RAD51: variants seen among roughly 807,000 people sequenced by gnomAD.
RAD51 encodes the protein RAD51 recombinase.
A neutral mutation model predicts 41.5 loss-of-function variants in RAD51; 14 were observed. That is an observed-to-expected ratio of 0.34 (90% CI 0.22 to 0.53). The LOEUF (loss-of-function observed/expected upper bound fraction) is 0.53, where lower values mean the gene tolerates loss of function less well. RAD51 is among the 20% of genes least tolerant of loss of function. The pLI, the probability that RAD51 is intolerant of heterozygous loss-of-function variation, is 0.95. For synonymous variants in RAD51, 136 were observed against 148.6 expected, an observed-to-expected ratio of 0.92 and a Z score of 0.62; for missense variants, 234 against 422.0, an observed-to-expected ratio of 0.55 and a Z score of 3.90.
At chr15:40,709,203 A>G in intron 5 of RAD51, 87 bp downstream of exon 5, 1 of 1,174,356 alleles carries the variant, frequency 8.5e-7, no homozygotes. Flanking sequence ...TGGCCATAAA[A>G]GGTACTTTCT....
intron 5 of RAD51, 114 bp downstream of exon 5, chr15:40,709,230 T>TA: frequency 1.1e-6 from 1 of 880,248 alleles, no homozygotes; most frequent in Non-Finnish European, 1.9e-6. Flanking sequence ...TCAAGAATCT[T>TA]ATAGCTGTTA....
chr15:40,725,461 A>G (rs1896533822), intron 6 of RAD51, among the ~76,000 whole-genome samples: 1 of 152,254 alleles, frequency 6.6e-6, no homozygotes, highest in Non-Finnish European at 1.5e-5. Flanking sequence ...TAATAAAAAT[A>G]GCCCTCTTTC....
chr15:40,705,194 C>T (rs996602117), intron 3 of RAD51, among the ~76,000 whole-genome samples: 1 of 152,196 alleles, frequency 6.6e-6, no homozygotes, highest in African/African-American at 2.4e-5. Flanking sequence ...GGTATATCTT[C>T]GTTTTCATTC....
intron 6 of RAD51, among the ~76,000 whole-genome samples, chr15:40,726,774 G>A (rs186872972): frequency 1.1e-4 from 17 of 151,856 alleles, no homozygotes; most frequent in African/African-American, 2.7e-4. Context: ...TTAGCCAGGC[G>A]TGGTAGCGGG....
Position 40,729,842 on chromosome 15 carries a change from T to C in RAD51, c.775-11T>C. 2 of 1,614,196 alleles carry C rather than the reference T, an allele frequency of 1.2e-6. No individual in the cohort carries two copies. The highest frequency in any genetic ancestry group is 1.7e-6 in the Non-Finnish European group (2 of 1,180,038). On this transcript the variant is annotated splice_polypyrimidine_tract_variant and intron_variant, in intron 8 of 9. Coordinates refer to ENST00000267868, the MANE Select transcript of RAD51 (RefSeq NM_002875.5). The stretch of plus-strand genomic sequence containing the variant: ...TGGCCACAAAATTGACATTTATCCT[T>C]TCCCCATCAGTTTGGTGTAGCAGTG...
intron 3 of RAD51, among the ~76,000 whole-genome samples, chr15:40,702,628 G>A (rs558700168): frequency 1.5e-4 from 22 of 151,658 alleles, no homozygotes; most frequent in African/African-American, 2.7e-4. Context: ...AGTGATTGTC[G>A]TGCCTCAGCC....
intron 6 of RAD51, among the ~76,000 whole-genome samples, chr15:40,720,762 A>G (rs1030127150): frequency 6.6e-6 from 1 of 152,242 alleles, no homozygotes; most frequent in African/African-American, 2.4e-5. Context: ...AATACTTAGG[A>G]ATAAATTTAA....
At chr15:40,716,522 C>T (rs535195544) in intron 5 of RAD51, among the ~76,000 whole-genome samples, 10 of 152,034 alleles carry the variant, frequency 6.6e-5, no homozygotes, top group Non-Finnish European at 1.2e-4. Context: ...TGCACCACCA[C>T]GCCCCACTAA....
intron 6 of RAD51, among the ~76,000 whole-genome samples, chr15:40,724,877 T>A (rs1398438064): frequency 9.3e-5 from 12 of 129,414 alleles, no homozygotes; most frequent in African/African-American, 2.7e-4. Flanking sequence ...TAATTTTTTT[T>A]AATTTTTTTT....
chr15:40,726,907 C>T (rs969193162), intron 6 of RAD51, among the ~76,000 whole-genome samples: 2 of 113,376 alleles, frequency 1.8e-5, no homozygotes, highest in South Asian at 3.4e-4. Context: ...AGTGAGACTC[C>T]GTCTCAAAAA....
chr15:40,718,799 C>G lies in RAD51; in HGVS notation c.436-6C>G. Reference sequence around the variant, plus strand: ...TCATTTCTACTGTTGTTTTTGTTCTCTATAGCTTCCCATTGACCGGGGTGG... The same window carrying G: ...TCATTTCTACTGTTGTTTTTGTTCTGTATAGCTTCCCATTGACCGGGGTGG... On this transcript the variant is annotated splice_region_variant and splice_polypyrimidine_tract_variant and intron_variant, in intron 5 of 9. Coordinates refer to ENST00000267868, the MANE Select transcript of RAD51 (RefSeq NM_002875.5). 1 of 1,599,582 alleles carries G rather than the reference C, an allele frequency of 6.3e-7. No individual in the cohort carries two copies. Among genetic ancestry groups the G allele is most frequent in the Non-Finnish European group, 8.6e-7 (1 of 1,167,020 alleles).
At chr15:40,721,134 G>T (rs907782727) in intron 6 of RAD51, among the ~76,000 whole-genome samples, 11 of 152,218 alleles carry the variant, frequency 7.2e-5, no homozygotes, top group African/African-American at 2.7e-4. Context: ...AGTGACCTGA[G>T]ATCGCGCCAC....
intron 6 of RAD51, 165 bp from the exon 7 acceptor site, chr15:40,728,546 T>C (rs1201492528): frequency 6.9e-6 from 5 of 724,380 alleles, no homozygotes; most frequent in African/African-American, 1.7e-5. Context: ...CTGCTTATAG[T>C]TTGCCTGAAC....
At chr15:40,713,153 A>G (rs1595998670) in intron 5 of RAD51, among the ~76,000 whole-genome samples, 1 of 150,732 alleles carries the variant, frequency 6.6e-6, no homozygotes, top group East Asian at 1.9e-4. Flanking sequence ...AAGTGCTGGG[A>G]TTACAGGAGT....
chr15:40,703,516 A>G (rs1895132913), intron 3 of RAD51, among the ~76,000 whole-genome samples: 2 of 152,078 alleles, frequency 1.3e-5, no homozygotes, highest in African/African-American at 2.4e-5. Flanking sequence ...TTTACTTTCT[A>G]TGGGTCTATT....
At chr15:40,729,705 G>C (rs1326544864) in intron 8 of RAD51, 71 bp downstream of exon 8, 2 of 1,611,444 alleles carry the variant, frequency 1.2e-6, no homozygotes, top group African/African-American at 2.7e-5. Flanking sequence ...TTGCTAGGAG[G>C]CTAAGACATC....
chr15:40,723,591 A>T (rs1441249923), intron 6 of RAD51, among the ~76,000 whole-genome samples: 4 of 152,206 alleles, frequency 2.6e-5, no homozygotes, highest in African/African-American at 7.2e-5. Context: ...ACAATGTATG[A>T]TTCCATTTAT....
At chr15:40,715,352 C>G (rs1052598851) in intron 5 of RAD51, among the ~76,000 whole-genome samples, 1 of 116,344 alleles carries the variant, frequency 8.6e-6, no homozygotes. Context: ...AAGATTCTGT[C>G]TCAAAAAAAA....
intron 9 of RAD51, among the ~76,000 whole-genome samples, chr15:40,730,312 C>G (rs1021556119): frequency 7.9e-5 from 12 of 151,922 alleles, no homozygotes; most frequent in African/African-American, 2.4e-4. Context: ...GAATTCGACA[C>G]TAGTAAGGGC....
Sources: allele counts gnomAD v4.1 joint callset (sites outside exome capture counted in the v4.1 genomes callset), GRCh38; gene constraint gnomAD v4.1.1; transcripts MANE v1.5; gene names NCBI Gene and HGNC (gene_info 2026-07-23, HGNC 2026-07-21).